The following CHMP6 variants were observed in gnomAD, a reference collection of about 807,000 sequenced individuals.
The protein encoded by CHMP6 is charged multivesicular body protein 6, also known as chromatin-modifying protein 6.
CHMP6 carries 10 observed loss-of-function variants against 32.8 expected under a neutral mutation model. The observed-to-expected ratio is 0.30, with a 90% CI of 0.19 to 0.52. CHMP6 has a LOEUF of 0.52. CHMP6 is among the 20% of genes least tolerant of loss of function. CHMP6 has a pLI of 0.97. For synonymous variants in CHMP6, 123 were observed against 105.8 expected (o/e 1.16, Z -1.00); for missense variants, 269 against 263.8 (o/e 1.02, Z -0.14).
At position 80,999,948 on chromosome 17, in the gene CHMP6, G is replaced by A. The variant is rs1319268437; in HGVS notation, c.*795G>A. Reference sequence around the variant, plus strand: ...GGACCCTCCTGCCCTGCGGGTCCCCGAGCCACCAGCAGCCAGGACTGGAGG... The same window carrying A: ...GGACCCTCCTGCCCTGCGGGTCCCCAAGCCACCAGCAGCCAGGACTGGAGG... On this transcript the variant is annotated 3_prime_UTR_variant, in exon 8 of 8. Transcript: ENST00000325167. 1.3e-5 allele frequency: 2 copies of A among 152,282 alleles called. No individual in the cohort carries two copies. The highest frequency in any genetic ancestry group is 4.8e-5 in the African/African-American group (2 of 41,454). The allele number at this position is 152,282 out of a possible 1,614,324, so 9.4% of individuals were successfully genotyped here. A position where few individuals can be genotyped will look rare whatever the true frequency, so the allele number is the denominator to read the frequency against.
chr17:80,995,833 C>A, intron 4 of CHMP6, 75 bp downstream of exon 4: 1 of 1,361,176 alleles, frequency 7.3e-7, no homozygotes, highest in Non-Finnish European at 1.0e-6. Flanking sequence ...GGGCGGGGGG[C>A]TTGTCCCACG....
In CHMP6 at chr17:80,991,846, C is replaced by G. The variant is rs573889244; in HGVS notation, c.-73C>G. 2 of 1,201,968 alleles carry G rather than the reference C, an allele frequency of 1.7e-6. No individual in the cohort carries two copies. The highest frequency in any genetic ancestry group is 1.1e-6 in the Non-Finnish European group (1 of 941,830). The allele number at this position is 1,201,968 out of a possible 1,614,324, so 74.5% of individuals were successfully genotyped here. On this transcript the variant is annotated 5_prime_UTR_variant, in exon 1 of 8. Transcript: ENST00000325167. ...GGCGCGGCCGCCGTAGCGGGAGGAC[C>G]CGAGCTACGGTGGCCGCGGGGCGGC... is the stretch of plus-strand genomic sequence containing the variant.
At chr17:80,996,972 C>G in intron 4 of CHMP6, 35 bp from the exon 5 acceptor site, 10 of 1,594,838 alleles carry the variant, frequency 6.3e-6, no homozygotes, top group Non-Finnish European at 8.6e-6. Flanking sequence ...ATTGGCCTCG[C>G]GACAGGGGTC....
At chr17:80,996,836 TGGAC>T (rs1185517307) in intron 4 of CHMP6, among the ~76,000 whole-genome samples, 167 bp from the exon 5 acceptor site, 3 of 152,188 alleles carry the variant, frequency 2.0e-5, no homozygotes, top group African/African-American at 4.8e-5. Flanking sequence ...CCCAGCTACT[TGGAC>T]GGATCGCTTG....
chr17:80,992,025 G>A, intron 1 of CHMP6, 44 bp downstream of exon 1: 2 of 1,312,248 alleles, frequency 1.5e-6, no homozygotes, highest in Non-Finnish European at 9.9e-7. Flanking sequence ...CGGGACAGGC[G>A]ACGGGGCCGG....
chr17:80,994,069 A>T (rs1241687818), intron 1 of CHMP6, among the ~76,000 whole-genome samples: 1 of 151,758 alleles, frequency 6.6e-6, no homozygotes, highest in African/African-American at 2.4e-5. Flanking sequence ...CCGCCACCAC[A>T]CCCGGCTAAT....
At chr17:80,996,344 C>G (rs2069637503) in intron 4 of CHMP6, among the ~76,000 whole-genome samples, 1 of 151,770 alleles carries the variant, frequency 6.6e-6, no homozygotes, top group Non-Finnish European at 1.5e-5. Flanking sequence ...AGAAGGCTTC[C>G]TGGAGGAGGT....
At chr17:80,992,890 C>G (rs67719788) in intron 1 of CHMP6, among the ~76,000 whole-genome samples, 1 of 152,142 alleles carries the variant, frequency 6.6e-6, no homozygotes, top group Non-Finnish European at 1.5e-5. Context: ...TAATTTTATA[C>G]TAAAAGAGAA....
chr17:80,994,931 G>T (rs2069624074), intron 2 of CHMP6, 88 bp from the exon 3 acceptor site: 3 of 693,970 alleles, frequency 4.3e-6, no homozygotes, highest in Admixed American at 6.6e-5. Context: ...GCTGGGGTGG[G>T]GGGCCCGGGC....
chr17:80,993,707 G>A (rs1337796148), intron 1 of CHMP6, among the ~76,000 whole-genome samples: 1 of 152,132 alleles, frequency 6.6e-6, no homozygotes, highest in Non-Finnish European at 1.5e-5. Flanking sequence ...GTGGCCGAGT[G>A]CCCTCTCTGG....
At chr17:80,998,598 G>A in intron 7 of CHMP6, 178 bp downstream of exon 7, 1 of 1,461,660 alleles carries the variant, frequency 6.8e-7, no homozygotes. Flanking sequence ...GGTTTCCCAG[G>A]GGTTCGGTAA....
In CHMP6 at chr17:80,998,410, G is replaced by A; in HGVS notation, c.540G>A (p.Glu180=). 6.2e-7 allele frequency: 1 copy of A among 1,614,224 alleles called. No homozygotes were observed. Among genetic ancestry groups the A allele is most frequent in the Admixed American group, 1.7e-5 (1 of 60,032 alleles). The part of the protein sequence containing the change: ...LPEVPSEPLP[E]KIPENVPVKA... ...AGGTTCCCTCCGAGCCCCTTCCTGAGAAGATCCCAGGTATTTCCATGTTTG... is the reference window on the plus strand; with the variant it reads ...AGGTTCCCTCCGAGCCCCTTCCTGAAAAGATCCCAGGTATTTCCATGTTTG... The change falls in exon 7 of 8, where the codon GAG becomes GAA. Residue 180 remains glutamate, a synonymous_variant. Coordinates refer to ENST00000325167, the MANE Select transcript of CHMP6 (RefSeq NM_024591.5).
chr17:80,992,075 C>T (rs2069597070), intron 1 of CHMP6, 94 bp downstream of exon 1: 1 of 913,626 alleles, frequency 1.1e-6, no homozygotes, highest in Non-Finnish European at 1.4e-6. Flanking sequence ...GCCCTCGGCC[C>T]CCCGCGTTCG....
rs1178035139 is a variant in CHMP6, at chr17:80,994,701, C to T, written c.173+11C>T. ...GGACGGCAGGAAGGAGTGAGTGGGG[C>T]CCGGGCAGCGTGGGCACCCTGTCGG... On this transcript the variant is annotated intron_variant, in intron 2 of 7. Transcript: ENST00000325167. The T allele has an allele frequency of 6.5e-7, 1 of 1,550,198 alleles. No individual in the cohort carries two copies. The highest frequency in any genetic ancestry group is 2.4e-5 in the East Asian group (1 of 41,272).
At chr17:80,992,646 G>A (rs1369963350) in intron 1 of CHMP6, among the ~76,000 whole-genome samples, 1 of 152,162 alleles carries the variant, frequency 6.6e-6, no homozygotes, top group African/African-American at 2.4e-5. Flanking sequence ...GTTTGTTTGC[G>A]GCGACTCCAG....
Position 80,994,561 on chromosome 17 carries a change from G to C in CHMP6, c.64-20G>C. The C allele has an allele frequency of 1.3e-6, 2 of 1,543,752 alleles. No homozygotes were observed. The highest frequency in any genetic ancestry group is 1.7e-6 in the Non-Finnish European group (2 of 1,143,980). Reference sequence around the variant, plus strand: ...TCCCAGTGTGGGCTCGGTGACGCCAGGCCCTCTCTCTCTTGGCAGCAACTG... The same window carrying C: ...TCCCAGTGTGGGCTCGGTGACGCCACGCCCTCTCTCTCTTGGCAGCAACTG... On this transcript the variant is annotated intron_variant, in intron 1 of 7. Transcript: ENST00000325167.
At chr17:80,992,051 CG>C in intron 1 of CHMP6, 70 bp downstream of exon 1, 1 of 1,126,504 alleles carries the variant, frequency 8.9e-7, no homozygotes, top group Non-Finnish European at 1.1e-6. Flanking sequence ...GCGGCGGGGC[CG>C]GAAGAGCCCC....
chr17:80,995,606 C>T lies in CHMP6; in HGVS notation c.262-66C>T, dbSNP rs1457942093. The T allele has an allele frequency of 4.9e-6, 7 of 1,435,582 alleles. No individual in the cohort carries two copies. The East Asian group carries it at 1.4e-4, about 28-fold the overall frequency. The allele number at this position is 1,435,582 out of a possible 1,614,324, so 88.9% of individuals were successfully genotyped here. A position where few individuals can be genotyped will look rare whatever the true frequency, so the allele number is the denominator to read the frequency against. On this transcript the variant is annotated intron_variant, in intron 3 of 7. Transcript: ENST00000325167. ...AGCAAGGGTGTCATCCTGAACCCTGCCCCAGGGCCGGGAGGAGGGCACCCC... is the reference window on the plus strand; with the variant it reads ...AGCAAGGGTGTCATCCTGAACCCTGTCCCAGGGCCGGGAGGAGGGCACCCC...
chr17:80,993,459 G>T (rs6565517), intron 1 of CHMP6, among the ~76,000 whole-genome samples: 95,421 of 151,894 alleles, frequency 0.63, 30,405 homozygotes, highest in African/African-American at 0.72. Context: ...GCCTTGGCAC[G>T]GCGAGGGGGA....
Sources: allele counts gnomAD v4.1 joint callset (sites outside exome capture counted in the v4.1 genomes callset), GRCh38; gene constraint gnomAD v4.1.1; transcripts MANE v1.5; gene names NCBI Gene and HGNC (gene_info 2026-07-23, HGNC 2026-07-21).